Variants in TMEM131L observed in about 807,000 individuals in gnomAD.
The protein encoded by TMEM131L is transmembrane protein 131-like.
A neutral mutation model predicts 192.2 loss-of-function variants in TMEM131L; 54 were observed. The ratio of observed to expected loss-of-function variants is 0.28; its 90% CI spans 0.23 to 0.35. TMEM131L has a LOEUF of 0.35. Ranked by LOEUF, TMEM131L falls within the 10% of genes least tolerant of loss-of-function variation. The pLI is 1.00. For synonymous variants in TMEM131L, 701 were observed against 704.9 expected (o/e 0.99, Z 0.09); for missense variants, 1,888 against 1,972.9 (o/e 0.96, Z 0.82).
chr4:153,516,812 A>C (rs372445758), intron 3 of TMEM131L, among the ~76,000 whole-genome samples: 2 of 152,100 alleles, frequency 1.3e-5, no homozygotes, highest in East Asian at 3.9e-4. Context: ...TTCATCTTTT[A>C]AATTTTATTT....
At chr4:153,571,671 C>T (rs950480195) in intron 7 of TMEM131L, among the ~76,000 whole-genome samples, 3 of 152,180 alleles carry the variant, frequency 2.0e-5, no homozygotes, top group African/African-American at 7.2e-5. Flanking sequence ...GTGATCCTCC[C>T]TCCTCAGCCT....
At chr4:153,620,671 C>G in intron 26 of TMEM131L, 85 bp from the exon 27 acceptor site, 1 of 816,812 alleles carries the variant, frequency 1.2e-6, no homozygotes, top group Non-Finnish European at 1.8e-6. Context: ...ATTCTGAATT[C>G]AGATGGAGTT....
intron 31 of TMEM131L, among the ~76,000 whole-genome samples, chr4:153,630,964 A>G (rs1053518309): frequency 1.5e-4 from 23 of 152,348 alleles, no homozygotes; most frequent in Admixed American, 3.9e-4. Flanking sequence ...AGTGTCTTCA[A>G]TCTGCCCATC....
At chr4:153,550,688 A>T (rs536355290) in intron 4 of TMEM131L, among the ~76,000 whole-genome samples, 2 of 147,316 alleles carry the variant, frequency 1.4e-5, no homozygotes, top group Non-Finnish European at 3.0e-5. Flanking sequence ...TAATAAGTCA[A>T]TGTTGTTTTT....
intron 3 of TMEM131L, among the ~76,000 whole-genome samples, chr4:153,505,275 T>A (rs1381156397): frequency 6.6e-6 from 1 of 151,798 alleles, no homozygotes; most frequent in African/African-American, 2.4e-5. Flanking sequence ...CCCCGGTAAT[T>A]TTTGTATTTT....
At chr4:153,468,050 A>C (rs1039513249) in intron 2 of TMEM131L, among the ~76,000 whole-genome samples, 1 of 152,164 alleles carries the variant, frequency 6.6e-6, no homozygotes, top group Non-Finnish European at 1.5e-5. Context: ...TTATAAGGAA[A>C]TATTTAGCTT....
At chr4:153,532,757 T>C (rs978409613) in intron 3 of TMEM131L, among the ~76,000 whole-genome samples, 3 of 152,214 alleles carry the variant, frequency 2.0e-5, no homozygotes, top group Non-Finnish European at 4.4e-5. Context: ...AAAATGTTTC[T>C]TAACGTTCCA....
chr4:153,503,012 CT>C (rs1457722465), intron 3 of TMEM131L, among the ~76,000 whole-genome samples: 1 of 151,928 alleles, frequency 6.6e-6, no homozygotes, highest in Admixed American at 6.6e-5. Flanking sequence ...ATGTTTATTC[CT>C]ATTGACCCAA....
chr4:153,581,955 G>A (rs1354304601), intron 9 of TMEM131L, among the ~76,000 whole-genome samples: 1 of 152,176 alleles, frequency 6.6e-6, no homozygotes, highest in African/African-American at 2.4e-5. Context: ...CTAATAGGTT[G>A]CGGTTGTTCC....
intron 3 of TMEM131L, among the ~76,000 whole-genome samples, chr4:153,545,013 A>G (rs979754970): frequency 2.0e-5 from 3 of 152,202 alleles, no homozygotes; most frequent in Non-Finnish European, 2.9e-5. Flanking sequence ...CAGCTGGAAC[A>G]GTTGGTTACA....
chr4:153,510,707 A>G (rs1435808930), intron 3 of TMEM131L, among the ~76,000 whole-genome samples: 4 of 152,190 alleles, frequency 2.6e-5, no homozygotes, highest in Non-Finnish European at 5.9e-5. Flanking sequence ...TCAAATCCTC[A>G]TTTTTACAAA....
chr4:153,567,499 AAGTTT>A (rs1729299646), intron 7 of TMEM131L, among the ~76,000 whole-genome samples: 1 of 151,888 alleles, frequency 6.6e-6, no homozygotes, highest in Admixed American at 6.6e-5. Context: ...GTTAGAGTGA[AAGTTT>A]AGTAAGTGAA....
At chr4:153,519,785 GC>G (rs1477061886) in intron 3 of TMEM131L, among the ~76,000 whole-genome samples, 1 of 152,188 alleles carries the variant, frequency 6.6e-6, no homozygotes, top group East Asian at 1.9e-4. Context: ...ATGGCTTGTG[GC>G]TTTTACACAG....
chr4:153,631,764 C>T (rs1734225878), intron 31 of TMEM131L, among the ~76,000 whole-genome samples: 1 of 152,212 alleles, frequency 6.6e-6, no homozygotes, highest in South Asian at 2.1e-4. Context: ...AAGGGGCCCA[C>T]AGGCTCTGTC....
At chr4:153,468,754 C>A (rs1197765182) in intron 2 of TMEM131L, among the ~76,000 whole-genome samples, 1 of 151,980 alleles carries the variant, frequency 6.6e-6, no homozygotes, top group South Asian at 2.1e-4. Flanking sequence ...TCCCCCACCC[C>A]CTCCTGATTT....
intron 15 of TMEM131L, among the ~76,000 whole-genome samples, chr4:153,588,301 A>C (rs946152522): frequency 8.1e-6 from 1 of 124,180 alleles, no homozygotes; most frequent in African/African-American, 3.1e-5. Context: ...TTGTCTTTTG[A>C]TTTATAGAGA....
intron 3 of TMEM131L, among the ~76,000 whole-genome samples, chr4:153,520,868 C>T (rs984733693): frequency 1.3e-5 from 2 of 152,162 alleles, no homozygotes; most frequent in East Asian, 3.8e-4. Flanking sequence ...GACTGGGGAC[C>T]CTTTCCCAGG....
At chr4:153,560,158 AAAT>A (rs1190461389) in intron 7 of TMEM131L, among the ~76,000 whole-genome samples, 3 of 152,190 alleles carry the variant, frequency 2.0e-5, no homozygotes, top group African/African-American at 7.2e-5. Flanking sequence ...TATATCCATT[AAAT>A]AATCACATGC....
At chr4:153,474,941 C>CT (rs1447544658) in intron 3 of TMEM131L, among the ~76,000 whole-genome samples, 1 of 152,134 alleles carries the variant, frequency 6.6e-6, no homozygotes, top group Non-Finnish European at 1.5e-5. Context: ...CGAAGACACT[C>CT]TAAGTGGTGT....
Sources: gnomAD v4.1 joint callset for allele counts (sites outside exome capture counted in the v4.1 genomes callset) on GRCh38, gnomAD v4.1.1 for gene constraint, MANE v1.5 for transcripts, NCBI Gene and HGNC (gene_info 2026-07-23, HGNC 2026-07-21) for gene names.